The following GRAMD1B variants were observed in gnomAD, a reference collection of about 807,000 sequenced individuals.
The protein encoded by GRAMD1B is protein Aster-B.
A neutral mutation model predicts 99.7 loss-of-function variants in GRAMD1B; 37 were observed. That is an observed-to-expected ratio of 0.37 (90% CI 0.29 to 0.49). The LOEUF (loss-of-function observed/expected upper bound fraction) is 0.49. GRAMD1B is among the 20% of genes least tolerant of loss of function. GRAMD1B has a pLI of 0.98. For synonymous variants in GRAMD1B, 427 were observed against 387.6 expected, an observed-to-expected ratio of 1.10 and a Z score of -1.19; for missense variants, 888 against 1,009.2, an observed-to-expected ratio of 0.88 and a Z score of 1.63.
At position 123,574,128 on chromosome 11, in the gene GRAMD1B, A is replaced by G. The variant is rs532218718; in HGVS notation, c.453-3239A>G. Among the ~76,000 whole-genome samples the G allele has an allele frequency of 3.2e-4, 49 of 151,928 alleles. No homozygotes were observed. The South Asian group carries it at 9.6e-3, about 30-fold the overall frequency. Reference sequence around the variant, plus strand: ...GCAGGACTCCAGCAGGGAGATGCAGAGGGCAAGGGCTCTTTAGGCTCAAGT... The same window carrying G: ...GCAGGACTCCAGCAGGGAGATGCAGGGGGCAAGGGCTCTTTAGGCTCAAGT... On this transcript the variant is annotated intron_variant, in intron 2 of 19. Transcript: ENST00000635736.
chr11:123,594,029 C>A, intron 4 of GRAMD1B, 53 bp from the exon 5 acceptor site: 1 of 1,244,978 alleles, frequency 8.0e-7, no homozygotes, highest in Non-Finnish European at 1.2e-6. Flanking sequence ...CCCTTCCTTC[C>A]TAACCCCACA....
intron 1 of GRAMD1B, among the ~76,000 whole-genome samples, chr11:123,393,869 G>A (rs928618360): frequency 6.6e-6 from 1 of 152,140 alleles, no homozygotes; most frequent in African/African-American, 2.4e-5. Flanking sequence ...CCAGCACCTC[G>A]ACTGGGGCTC....
At chr11:123,369,290 G>T (rs1225968947) in intron 1 of GRAMD1B, among the ~76,000 whole-genome samples, 2 of 152,000 alleles carry the variant, frequency 1.3e-5, no homozygotes, top group African/African-American at 4.8e-5. Context: ...GACAGAGCAA[G>T]ATCCCATCTC....
chr11:123,474,080 T>C lies in GRAMD1B; in HGVS notation c.375-6736T>C, dbSNP rs189644545. On this transcript the variant is annotated intron_variant, in intron 1 of 19. Transcript: ENST00000635736. ...TTCAGGCTAAGGGCCTTTTCTGTTA[T>C]CTTTCTCCCATGCACTGGCTATTTC... is the stretch of plus-strand genomic sequence containing the variant. 1.7e-3 allele frequency among the ~76,000 whole-genome samples: 255 copies of C among 152,320 alleles called. 2 individuals carry two copies. Among genetic ancestry groups the C allele is most frequent in the Non-Finnish European group, 4.9e-4 (33 of 68,036 alleles).
At chr11:123,615,907 G>A (rs1292845969) in intron 17 of GRAMD1B, among the ~76,000 whole-genome samples, 2 of 152,106 alleles carry the variant, frequency 1.3e-5, no homozygotes, top group Non-Finnish European at 2.9e-5. Flanking sequence ...ACTACAGGAG[G>A]GAAAGCCATG....
chr11:123,597,555 A>G (rs1291128866), intron 7 of GRAMD1B, among the ~76,000 whole-genome samples: 1 of 152,116 alleles, frequency 6.6e-6, no homozygotes, highest in Non-Finnish European at 1.5e-5. Flanking sequence ...TCAGGGAAGT[A>G]GCAACAAAGG....
intron 1 of GRAMD1B, among the ~76,000 whole-genome samples, chr11:123,442,979 C>T (rs1949480360): frequency 6.6e-6 from 1 of 151,936 alleles, no homozygotes; most frequent in African/African-American, 2.4e-5. Flanking sequence ...TTCTCATTGC[C>T]ATCTTGGTTT....
intron 1 of GRAMD1B, among the ~76,000 whole-genome samples, chr11:123,371,565 T>C (rs1360725844): frequency 6.6e-6 from 1 of 152,214 alleles, no homozygotes; most frequent in Non-Finnish European, 1.5e-5. Context: ...CCATTCCCCA[T>C]ACCTCCACTC....
upstream of GRAMD1B, among the ~76,000 whole-genome samples, chr11:123,427,138 G>A (rs1197927897): frequency 6.6e-6 from 1 of 152,150 alleles, no homozygotes. Context: ...AAGAAATATG[G>A]GAGTGGGGAG....
At chr11:123,604,117 G>A (rs1952379243) in intron 9 of GRAMD1B, among the ~76,000 whole-genome samples, 1 of 152,220 alleles carries the variant, frequency 6.6e-6, no homozygotes, top group Non-Finnish European at 1.5e-5. Context: ...GGTAGTTTTA[G>A]GCAAGTTGAA....
At chr11:123,417,847 A>T (rs1347614756) in intron 1 of GRAMD1B, among the ~76,000 whole-genome samples, 2 of 152,192 alleles carry the variant, frequency 1.3e-5, no homozygotes, top group Non-Finnish European at 2.9e-5. Context: ...TGAGTATAAG[A>T]TCACTTGAAC....
At chr11:123,420,381 A>T (rs1948387951) in intron 1 of GRAMD1B, among the ~76,000 whole-genome samples, 1 of 152,234 alleles carries the variant, frequency 6.6e-6, no homozygotes, top group African/African-American at 2.4e-5. Context: ...AAAATGATAA[A>T]GTAGAGGTAC....
chr11:123,545,140 C>T (rs1048266104), intron 2 of GRAMD1B, among the ~76,000 whole-genome samples: 1 of 152,194 alleles, frequency 6.6e-6, no homozygotes, highest in African/African-American at 2.4e-5. Context: ...CCAGGGCAGC[C>T]GCCCCGGTGC....
At chr11:123,488,409 G>A (rs756761262) in intron 2 of GRAMD1B, among the ~76,000 whole-genome samples, 34 of 152,164 alleles carry the variant, frequency 2.2e-4, no homozygotes, top group Non-Finnish European at 4.0e-4. Flanking sequence ...CCGGGCATTT[G>A]GGCATGGTAT....
intron 2 of GRAMD1B, among the ~76,000 whole-genome samples, chr11:123,499,967 G>A (rs1008086040): frequency 6.6e-6 from 1 of 152,196 alleles, no homozygotes; most frequent in Non-Finnish European, 1.5e-5. Context: ...TCTATTGTCT[G>A]TGTTTCCTTC....
chr11:123,494,951 A>G (rs1209073474), intron 2 of GRAMD1B, among the ~76,000 whole-genome samples: 3 of 152,074 alleles, frequency 2.0e-5, no homozygotes, highest in Admixed American at 6.5e-5. Flanking sequence ...TCTCTTTTCA[A>G]TCACTCACTG....
chr11:123,457,475 G>A (rs1950212532), intron 1 of GRAMD1B, among the ~76,000 whole-genome samples: 2 of 152,168 alleles, frequency 1.3e-5, no homozygotes, highest in Non-Finnish European at 2.9e-5. Flanking sequence ...CTTCAAACAG[G>A]CTTAATGGAA....
At chr11:123,388,626 A>T (rs1947158671) in intron 1 of GRAMD1B, among the ~76,000 whole-genome samples, 1 of 152,094 alleles carries the variant, frequency 6.6e-6, no homozygotes, top group Non-Finnish European at 1.5e-5. Flanking sequence ...GTGAGCTAAG[A>T]TTGCACCATT....
At chr11:123,414,813 A>G (rs2135988875) in intron 1 of GRAMD1B, among the ~76,000 whole-genome samples, 1 of 152,310 alleles carries the variant, frequency 6.6e-6, no homozygotes, top group Non-Finnish European at 1.5e-5. Context: ...ACCACGATTG[A>G]GATAATGAGC....
Sources: allele counts gnomAD v4.1 joint callset (sites outside exome capture counted in the v4.1 genomes callset), GRCh38; gene constraint gnomAD v4.1.1; transcripts MANE v1.5; gene names NCBI Gene and HGNC (gene_info 2026-07-23, HGNC 2026-07-21).